Variants in ADAM8 observed in about 807,000 individuals in gnomAD.
ADAM8 encodes ADAM metallopeptidase domain 8.
A neutral mutation model predicts 102.4 loss-of-function variants in ADAM8; 104 were observed. That is an observed-to-expected ratio of 1.02 (90% CI 0.87 to 1.20). The LOEUF is 1.20. Among genes scored for constraint, ADAM8 ranks in the 50% most tolerant of loss-of-function variants. ADAM8 has a pLI of 0.00. For synonymous variants in ADAM8, 517 were observed against 485.2 expected, an observed-to-expected ratio of 1.07 and a Z score of -0.86; for missense variants, 1,132 against 1,159.0, an observed-to-expected ratio of 0.98 and a Z score of 0.34.
chr10:133,272,563 CG>C lies in ADAM8; in HGVS notation c.727del (p.Arg243ValfsTer30), dbSNP rs1315773011. 1 of 1,610,838 alleles carries C rather than the reference CG, an allele frequency of 6.2e-7. No homozygotes were observed. The highest frequency in any genetic ancestry group is 1.7e-5 in the Admixed American group (1 of 59,870). On this transcript the variant is annotated frameshift_variant, in exon 9 of 23. Coordinates refer to ENST00000445355, the MANE Select transcript of ADAM8 (RefSeq NM_001109.5). LOFTEE classifies it high-confidence loss of function. Reference protein sequence around the residue: ...VDKLYQKLNFRVVLVGLEIWN... With the variant: ...VDKLYQKLNFXVVLVGLEIWN... ...AATCTCCAGGCCCACCAGGACCACA[CG>C]GAAGTTGAGTTTCTGATATAGCTGG...
In ADAM8 at chr10:133,270,400, T is replaced by C. The variant is rs1385202338; in HGVS notation, c.1745A>G (p.Tyr582Cys). The stretch of plus-strand genomic sequence containing the variant: ...CCGGGTGCCCTCGGGCACTGGTTCA[T>C]ACGCAGTGCCATCCTCTGTGGTGAG... ...HALTTEDGTA[Y>C]EPVPEGTRCG... The change falls in exon 16 of 23, where the codon TAT (tyrosine) becomes TGT (cysteine). Residue 582 changes from tyrosine (Y) to cysteine (C), a missense_variant. Physicochemically the swap from Tyr to Cys is radical, Grantham distance 194. Coordinates refer to ENST00000445355, the MANE Select transcript of ADAM8 (RefSeq NM_001109.5). 1.9e-5 allele frequency: 30 copies of C among 1,597,912 alleles called. No individual in the cohort carries two copies. Among genetic ancestry groups the C allele is most frequent in the Non-Finnish European group, 2.6e-5 (30 of 1,167,908 alleles).
chr10:133,268,086 G>A lies in ADAM8; in HGVS notation c.2096C>T (p.Ser699Phe). 7.8e-7 allele frequency: 1 copy of A among 1,275,044 alleles called. No homozygotes were observed. Among genetic ancestry groups the A allele is most frequent in the Non-Finnish European group, 1.0e-6 (1 of 1,003,462 alleles). 79.0% of individuals were successfully genotyped at this position (1,275,044 alleles called of 1,614,324 possible). Residue 699 changes from serine (S) to phenylalanine (F), a missense_variant, in exon 20 of 23, where the codon TCC becomes TTC. Physicochemically the swap from Ser to Phe is radical, Grantham distance 155. Coordinates refer to ENST00000445355, the MANE Select transcript of ADAM8 (RefSeq NM_001109.5). The part of the protein sequence containing the change: ...NVAPKTTMGR[S>F]NPLFHQAASR... ...GGCAGCCTGGTGGAACAGGGGGTTG[G>A]AGCGCCCCATTGTGGTCTTGGGAGC...
intron 21 of ADAM8, among the ~76,000 whole-genome samples, chr10:133,266,113 A>C (rs1159852269): frequency 6.6e-6 from 1 of 152,066 alleles, no homozygotes; most frequent in East Asian, 1.9e-4. Context: ...GCCCTCATCC[A>C]CACAAGGAAA....
At position 133,273,291 on chromosome 10, in the gene ADAM8, C is replaced by T; in HGVS notation, c.536G>A (p.Gly179Glu). Residue 179 changes from glycine to glutamate, a missense_variant, in exon 6 of 23, where the codon GGA becomes GAA. Physicochemically the swap from Gly to Glu is moderately conservative, Grantham distance 98. Transcript: ENST00000445355. The part of the protein sequence containing the change: ...VSDDSLGSLL[G>E]PRTAAVFRPR... Reference sequence around the variant, plus strand: ...CCTGAAGACGGCTGCCGTCCGGGGTCCCAGGAGGCTGCCCAGGCTGTCGTC... The same window carrying T: ...CCTGAAGACGGCTGCCGTCCGGGGTTCCAGGAGGCTGCCCAGGCTGTCGTC... The T allele has an allele frequency of 6.3e-6, 10 of 1,597,516 alleles. 1 individual carries two copies. The highest frequency in any genetic ancestry group is 5.6e-5 in the South Asian group (5 of 89,070).
In ADAM8 at chr10:133,263,477, C is replaced by T. The variant is rs117652271; in HGVS notation, c.2397+211G>A. Among the ~76,000 whole-genome samples the T allele has an allele frequency of 2.2e-3, 334 of 152,292 alleles. 3 individuals carry two copies. Among genetic ancestry groups the T allele is most frequent in the Middle Eastern group, 0.02 (6 of 294 alleles). ...GTCAGGCACCACTGACAGCCGGGGT[C>T]GGCATCTGCTGAGAAGTCCCCTGAT... On this transcript the variant is annotated intron_variant, in intron 22 of 22. Transcript: ENST00000445355.
chr10:133,273,883 GC>G, intron 4 of ADAM8, 45 bp from the exon 5 acceptor site: 1 of 1,551,912 alleles, frequency 6.4e-7, no homozygotes, highest in Non-Finnish European at 8.7e-7. Flanking sequence ...TGCCCCCATG[GC>G]CCCACAGGCT....
Position 133,271,049 on chromosome 10 carries a change from A to G in ADAM8, c.1396T>C (p.Cys466Arg). Residue 466 changes from cysteine to arginine, a missense_variant, in exon 14 of 23, where the codon TGC (cysteine) becomes CGC (arginine). Cys to Arg is a radical substitution (Grantham distance 180, BLOSUM62 -3). Transcript: ENST00000445355. ...ECKVKPAGELCRPKKDMCDLE... is the reference protein window; with the variant it reads ...ECKVKPAGELRRPKKDMCDLE... ...TCACACATGTCCTTCTTGGGACGGC[A>G]CAGCTCACCAGCCGGCTTCACCTGG... is the stretch of plus-strand genomic sequence containing the variant. The G allele has an allele frequency of 6.2e-7, 1 of 1,611,886 alleles. No individual in the cohort carries two copies. The highest frequency in any genetic ancestry group is 8.5e-7 in the Non-Finnish European group (1 of 1,179,654).
intron 17 of ADAM8, 89 bp downstream of exon 17, chr10:133,269,807 AG>A: frequency 3.5e-6 from 5 of 1,448,126 alleles, no homozygotes; most frequent in Non-Finnish European, 4.8e-6. Context: ...CCCCAGCCTC[AG>A]GCTCCCGTGT....
intron 22 of ADAM8, 28 bp downstream of exon 22, chr10:133,263,660 C>T: frequency 5.8e-6 from 2 of 345,656 alleles, no homozygotes; most frequent in Non-Finnish European, 7.4e-6. Context: ...GCACAGTGGA[C>T]TCTGCCTGGT....
Position 133,276,788 on chromosome 10 carries a change from G to A in ADAM8, c.30C>T (p.Gly10=), listed in dbSNP as rs1846774159. Residue 10 remains glycine, a synonymous_variant, in exon 1 of 23, where the codon GGC becomes GGT. Transcript: ENST00000445355. The part of the protein sequence containing the change: MRGLGLWLL[G]AMMLPAIAPS... ...ACCACTCACCAGGCAGCATCATCGC[G>A]CCCAGCAGCCAGAGCCCGAGGCCGC... The A allele has an allele frequency of 6.5e-7, 1 of 1,533,372 alleles. No individual in the cohort carries two copies. Among genetic ancestry groups the A allele is most frequent in the East Asian group, 2.5e-5 (1 of 39,266 alleles). The allele number at this position is 1,533,372 out of a possible 1,614,324, so 95.0% of individuals were successfully genotyped here.
intron 2 of ADAM8, chr10:133,275,095 T>G: frequency 3.4e-6 from 1 of 295,108 alleles, no homozygotes; most frequent in African/African-American, 2.3e-5. Flanking sequence ...GAGGGGGGCA[T>G]TCTCAGTTTC....
rs941618706 is a variant in ADAM8, at chr10:133,262,697, C to G, written c.*459G>C. ...TGCTCACTGACACCCTCTCGAAGAGCACGCAGGGGAACCTGGTCCTGGGAT... is the reference window on the plus strand; with the variant it reads ...TGCTCACTGACACCCTCTCGAAGAGGACGCAGGGGAACCTGGTCCTGGGAT... On this transcript the variant is annotated 3_prime_UTR_variant, in exon 23 of 23. Coordinates refer to ENST00000445355, the MANE Select transcript of ADAM8 (RefSeq NM_001109.5). 1 of 162,340 alleles carries G rather than the reference C, an allele frequency of 6.2e-6. No homozygotes were observed. The highest frequency in any genetic ancestry group is 2.4e-5 in the African/African-American group (1 of 41,682). 10.1% of individuals were successfully genotyped at this position (162,340 alleles called of 1,614,324 possible).
rs547212684 is a variant in ADAM8, at chr10:133,276,625, C to G, written c.46+147G>C. On this transcript the variant is annotated intron_variant, in intron 1 of 22. Coordinates refer to ENST00000445355, the MANE Select transcript of ADAM8 (RefSeq NM_001109.5). ...TCTCCACCCAGAGACCACTGTGCAC[C>G]TGATGGCCCGCTCCCAGGGACCAGC... 9.9e-5 allele frequency: 124 copies of G among 1,248,634 alleles called. No individual in the cohort carries two copies. In the African/African-American group the frequency reaches 1.8e-3, roughly 18 times the overall value. The allele number at this position is 1,248,634 out of a possible 1,614,324, so 77.3% of individuals were successfully genotyped here.
At chr10:133,274,749 G>A (rs1359875253) in intron 2 of ADAM8, 5 of 323,738 alleles carry the variant, frequency 1.5e-5, no homozygotes, top group Non-Finnish European at 2.5e-5. Flanking sequence ...CCCCTCCAGC[G>A]ACAGCTGCCT....
At position 133,270,936 on chromosome 10, in the gene ADAM8, G is replaced by A. The variant is rs1209122120; in HGVS notation, c.1509C>T (p.Cys503=). The A allele has an allele frequency of 3.1e-5, 50 of 1,612,760 alleles. No homozygotes were observed. Among genetic ancestry groups the A allele is most frequent in the Non-Finnish European group, 4.1e-5 (48 of 1,179,920 alleles). The part of the protein sequence containing the change: ...ENGTPCSGGY[C]YNGACPTLAQ... ...CCAGTGTGGGACAGGCCCCGTTGTA[G>A]CAGTAGCCCCCGGAGCAGGGCGTGC... The change falls in exon 14 of 23, where the codon TGC becomes TGT. Residue 503 remains cysteine (C), a synonymous_variant. Coordinates refer to ENST00000445355, the MANE Select transcript of ADAM8 (RefSeq NM_001109.5).
chr10:133,263,642 C>CACTGTCA (rs59673054), intron 22 of ADAM8, 46 bp downstream of exon 22: 8 of 1,481,864 alleles, frequency 5.4e-6, no homozygotes, highest in South Asian at 1.3e-5. Context: ...GAGGCCGTGC[C>CACTGTCA]GTCCATTGCA....
Position 133,274,454 on chromosome 10 carries a change from G to A in ADAM8, c.151-219C>T, listed in dbSNP as rs867131062. Among the ~76,000 whole-genome samples the A allele has an allele frequency of 2.8e-3, 297 of 107,270 alleles. 2 individuals carry two copies. Among genetic ancestry groups the A allele is most frequent in the African/African-American group, 9.8e-3 (275 of 28,026 alleles). 70.4% of individuals were successfully genotyped at this position (107,270 alleles called of 152,430 possible). ...GGGGGTGGAAGGTGGAGGGTGGAGA[G>A]TGGAGGGTGGAGGGTGGAGGCGGGG... On this transcript the variant is annotated intron_variant, in intron 2 of 22. Transcript: ENST00000445355.
chr10:133,266,865 C>A (rs1300986998), intron 21 of ADAM8, among the ~76,000 whole-genome samples: 1 of 152,208 alleles, frequency 6.6e-6, no homozygotes, highest in Non-Finnish European at 1.5e-5. Context: ...AGGGACAGGA[C>A]CCCAACCCTG....
rs559826919 is a variant in ADAM8 at position 133,274,095 on chromosome 10, C to T, written c.227+64G>A. ...CAGAGAGGCTGGCCCAGAGGCTGGA[C>T]GCCGGGGACACCAGTGTGCTGGAGC... On this transcript the variant is annotated intron_variant, in intron 3 of 22. Transcript: ENST00000445355. 99 of 1,585,402 alleles carry T rather than the reference C, an allele frequency of 6.2e-5. No homozygotes were observed. In the African/African-American group the frequency reaches 9.6e-4, roughly 15 times the overall value.
Sources: allele counts gnomAD v4.1 joint callset (sites outside exome capture counted in the v4.1 genomes callset), GRCh38; gene constraint gnomAD v4.1.1; transcripts MANE v1.5; gene names NCBI Gene and HGNC (gene_info 2026-07-23, HGNC 2026-07-21).